The following RYR3 variants were observed in gnomAD, a reference collection of about 807,000 sequenced individuals.
The protein encoded by RYR3 is brain ryanodine receptor-calcium release channel.
In RYR3, 207 loss-of-function variants were observed where a neutral mutation model predicts 584.3. That is an observed-to-expected ratio of 0.35 (90% CI 0.32 to 0.40). The LOEUF is 0.40. RYR3 is among the 10% of genes least tolerant of loss of function. The pLI is 1.00. For missense variants in RYR3, 5,616 were observed against 6,089.2 expected, an observed-to-expected ratio of 0.92 and a Z score of 2.59; for synonymous variants, 2,416 against 2,248.5, an observed-to-expected ratio of 1.07 and a Z score of -2.11.
At position 33,386,981 on chromosome 15, in the gene RYR3, C is replaced by A. The variant is rs530857797; in HGVS notation, c.51+75885C>A. 2.0e-5 allele frequency among the ~76,000 whole-genome samples: 3 copies of A among 152,182 alleles called. No homozygotes were observed. In the East Asian group the frequency reaches 5.8e-4, roughly 29 times the overall value. On this transcript the variant is annotated intron_variant, in intron 1 of 103. Transcript: ENST00000634891. Reference sequence around the variant, plus strand: ...CATGCCATTCTCCTGCCTCAGCCTCCTGAGTAGCTGGGACTACAGGCGCCC... The same window carrying A: ...CATGCCATTCTCCTGCCTCAGCCTCATGAGTAGCTGGGACTACAGGCGCCC...
At chr15:33,831,882 T>C (rs1306270730) in intron 86 of RYR3, among the ~76,000 whole-genome samples, 1 of 152,148 alleles carries the variant, frequency 6.6e-6, no homozygotes, top group Non-Finnish European at 1.5e-5. Flanking sequence ...ATCAAAACGC[T>C]CAGTTTGTAC....
intron 10 of RYR3, among the ~76,000 whole-genome samples, chr15:33,561,620 G>C (rs979747973): frequency 3.3e-5 from 5 of 152,126 alleles, no homozygotes; most frequent in African/African-American, 9.7e-5. Flanking sequence ...CCACTATTAA[G>C]AATGAGAAGA....
intron 2 of RYR3, among the ~76,000 whole-genome samples, chr15:33,490,557 A>C (rs1294102351): frequency 2.0e-5 from 3 of 152,118 alleles, no homozygotes; most frequent in Non-Finnish European, 2.9e-5. Flanking sequence ...GTCACTTCAG[A>C]CTTGAAATTT....
At chr15:33,729,845 C>T (rs1029163101) in intron 47 of RYR3, among the ~76,000 whole-genome samples, 3 of 152,274 alleles carry the variant, frequency 2.0e-5, no homozygotes, top group African/African-American at 7.2e-5. Flanking sequence ...TGGTGTCCAA[C>T]AGAGACAGAA....
intron 77 of RYR3, 59 bp from the exon 78 acceptor site, chr15:33,820,697 T>C: frequency 7.0e-7 from 1 of 1,433,258 alleles, no homozygotes; most frequent in South Asian, 1.2e-5. Context: ...GTTGTGTTTA[T>C]TAGATTTCCC....
intron 8 of RYR3, among the ~76,000 whole-genome samples, chr15:33,547,098 C>T (rs1258369129): frequency 2.0e-5 from 3 of 152,160 alleles, no homozygotes; most frequent in African/African-American, 7.2e-5. Flanking sequence ...GTGGAGCAAC[C>T]TGCCCCGATC....
In RYR3 at chr15:33,726,045, C is replaced by T. The variant is rs183657127; in HGVS notation, c.6913-341C>T. Reference sequence around the variant, plus strand: ...GTGGCCACGCTGTCAACACTTCTGTCGTGGCCACTGAGCACTTCCGGCAGT... The same window carrying T: ...GTGGCCACGCTGTCAACACTTCTGTTGTGGCCACTGAGCACTTCCGGCAGT... On this transcript the variant is annotated intron_variant, in intron 45 of 103. Transcript: ENST00000634891. 1.2e-4 allele frequency among the ~76,000 whole-genome samples: 17 copies of T among 146,396 alleles called. No individual in the cohort carries two copies. The East Asian group carries it at 1.4e-3, about 12-fold the overall frequency.
Position 33,412,872 on chromosome 15 carries a change from T to C in RYR3, c.52-60547T>C, listed in dbSNP as rs917057643. ...AAAGGAGGAGGAAAACCAGTCTTCC[T>C]GGGGGAAGGCAGCTGGGGTTGAGTG... On this transcript the variant is annotated intron_variant, in intron 1 of 103. Coordinates refer to ENST00000634891, the MANE Select transcript of RYR3 (RefSeq NM_001036.6). This position sits in a 1 kb window ranked among gnomAD's most constrained non-coding sequence, Gnocchi z 4.3. Among the ~76,000 whole-genome samples, 1 of 152,184 alleles carries C rather than the reference T, an allele frequency of 6.6e-6. No individual in the cohort carries two copies. Among genetic ancestry groups the C allele is most frequent in the Non-Finnish European group, 1.5e-5 (1 of 68,030 alleles).
intron 24 of RYR3, among the ~76,000 whole-genome samples, chr15:33,633,392 G>T (rs984586926): frequency 6.6e-6 from 1 of 152,232 alleles, no homozygotes; most frequent in Non-Finnish European, 1.5e-5. Context: ...CTGCCCAAAA[G>T]CTTTTGCCTC....
chr15:33,381,868 T>C (rs774880940), intron 1 of RYR3, among the ~76,000 whole-genome samples: 1 of 152,206 alleles, frequency 6.6e-6, no homozygotes, highest in Non-Finnish European at 1.5e-5. Flanking sequence ...CGCCCCATCT[T>C]CTTTTCAATC....
intron 16 of RYR3, among the ~76,000 whole-genome samples, chr15:33,587,077 G>C (rs2058890120): frequency 6.6e-6 from 1 of 152,130 alleles, no homozygotes; most frequent in African/African-American, 2.4e-5. Context: ...AGACTCGGCA[G>C]CATAGACTGT....
chr15:33,473,675 T>C, intron 2 of RYR3, 137 bp downstream of exon 2: 2 of 883,472 alleles, frequency 2.3e-6, no homozygotes, highest in Admixed American at 2.6e-5. Context: ...GAAGCAGATC[T>C]GGTTTAAACC....
At chr15:33,624,877 A>G (rs2060905178) in intron 20 of RYR3, among the ~76,000 whole-genome samples, 1 of 152,204 alleles carries the variant, frequency 6.6e-6, no homozygotes, top group African/African-American at 2.4e-5. Context: ...TAGCTCTTTT[A>G]GCCTAGAGAC....
chr15:33,591,917 G>C (rs1439083567), intron 16 of RYR3, among the ~76,000 whole-genome samples: 1 of 152,188 alleles, frequency 6.6e-6, no homozygotes, highest in Non-Finnish European at 1.5e-5. Context: ...TGCTTTTACA[G>C]ATGAAAGCTG....
chr15:33,739,155 C>A (rs894530353), intron 50 of RYR3, among the ~76,000 whole-genome samples: 1 of 152,196 alleles, frequency 6.6e-6, no homozygotes, highest in South Asian at 2.1e-4. Flanking sequence ...TGCTCCACTT[C>A]CCCTAACCCA....
chr15:33,478,318 G>C (rs1431429011), intron 2 of RYR3, among the ~76,000 whole-genome samples: 1 of 152,180 alleles, frequency 6.6e-6, no homozygotes, highest in Non-Finnish European at 1.5e-5. Flanking sequence ...GGTACAAAGA[G>C]CTTGAGAGGG....
intron 1 of RYR3, among the ~76,000 whole-genome samples, chr15:33,402,261 C>T (rs1371446614): frequency 6.6e-6 from 1 of 152,130 alleles, no homozygotes; most frequent in Non-Finnish European, 1.5e-5. Context: ...GATTCATTTA[C>T]AAGAGTGTTC....
At chr15:33,605,099 T>A (rs1011229948) in intron 18 of RYR3, among the ~76,000 whole-genome samples, 4 of 152,202 alleles carry the variant, frequency 2.6e-5, no homozygotes, top group African/African-American at 9.6e-5. Flanking sequence ...TGAAGCAAAT[T>A]GGACCCTTGT....
chr15:33,418,989 G>A (rs1388951525), intron 1 of RYR3, among the ~76,000 whole-genome samples: 1 of 152,156 alleles, frequency 6.6e-6, no homozygotes, highest in Non-Finnish European at 1.5e-5. Flanking sequence ...AAGGTGAGCA[G>A]CTTTTGATGG....
Sources: allele counts gnomAD v4.1 joint callset (sites outside exome capture counted in the v4.1 genomes callset), GRCh38; gene constraint gnomAD v4.1.1; non-coding constraint Gnocchi (gnomAD v3.1); transcripts MANE v1.5; gene names NCBI Gene and HGNC (gene_info 2026-07-23, HGNC 2026-07-21).